Variants in RPTOR observed in about 807,000 individuals in gnomAD.
RPTOR encodes the protein regulatory associated protein of MTOR complex 1.
In RPTOR, 21 loss-of-function variants were observed where a neutral mutation model predicts 169.9. The ratio of observed to expected loss-of-function variants is 0.12; its 90% CI spans 0.09 to 0.18. RPTOR has a LOEUF of 0.18. Among genes scored for constraint, RPTOR ranks in the 10% least tolerant of loss-of-function variants. The pLI, the probability that RPTOR is intolerant of heterozygous loss-of-function variation, is 1.00. For missense variants in RPTOR, 1,133 were observed against 1,855.9 expected, an observed-to-expected ratio of 0.61 and a Z score of 7.16; for synonymous variants, 732 against 753.2, an observed-to-expected ratio of 0.97 and a Z score of 0.46.
At chr17:80,897,649 C>T (rs997608499) in intron 20 of RPTOR, among the ~76,000 whole-genome samples, 1 of 152,210 alleles carries the variant, frequency 6.6e-6, no homozygotes, top group Non-Finnish European at 1.5e-5. Flanking sequence ...TTGGGCGCTC[C>T]CCATTGGCAT....
rs569480841 is a variant in RPTOR, at chr17:80,800,097, G to A, written c.890+8588G>A. ...AGGACCCCGCTGTCTGGGGTTTGGG[G>A]GCTGAGTGTGGCACAGCACCACTTT... On this transcript the variant is annotated intron_variant, in intron 7 of 33. Transcript: ENST00000306801. 2.6e-5 allele frequency among the ~76,000 whole-genome samples: 4 copies of A among 152,324 alleles called. 1 individual carries two copies. The highest frequency in any genetic ancestry group is 3.9e-4 in the East Asian group (2 of 5,182).
chr17:80,854,380 G>A (rs571831543), intron 11 of RPTOR, among the ~76,000 whole-genome samples: 42 of 152,344 alleles, frequency 2.8e-4, no homozygotes, highest in African/African-American at 9.9e-4. Context: ...GAGTCACACC[G>A]CAGTGAGCGC....
In RPTOR at chr17:80,721,670, T is replaced by C. The variant is rs1174317321; in HGVS notation, c.508-8890T>C. Among the ~76,000 whole-genome samples, 1 of 151,296 alleles carries C rather than the reference T, an allele frequency of 6.6e-6. No homozygotes were observed. The highest frequency in any genetic ancestry group is 1.5e-5 in the Non-Finnish European group (1 of 68,028). On this transcript the variant is annotated intron_variant, in intron 4 of 33. Transcript: ENST00000306801. This position sits in a 1 kb window ranked among gnomAD's most constrained non-coding sequence, Gnocchi z 4.7. ...CTCAGGGTACTCGGGCTTATTTTGG[T>C]AGTCATACACATGAAATGCACTTTG... is the stretch of plus-strand genomic sequence containing the variant.
chr17:80,679,756 A>G (rs761171732), intron 3 of RPTOR, among the ~76,000 whole-genome samples: 22 of 152,368 alleles, frequency 1.4e-4, no homozygotes, highest in Middle Eastern at 3.4e-3. Context: ...AGCTCAGTTT[A>G]GCTGTTGTCA....
At chr17:80,796,322 G>T (rs1175382370) in intron 7 of RPTOR, among the ~76,000 whole-genome samples, 1 of 152,212 alleles carries the variant, frequency 6.6e-6, no homozygotes, top group Non-Finnish European at 1.5e-5. Flanking sequence ...GAAGAACTTG[G>T]AGACACTCAG....
At chr17:80,866,121 T>C (rs1158048940) in intron 13 of RPTOR, among the ~76,000 whole-genome samples, 1 of 150,124 alleles carries the variant, frequency 6.7e-6, no homozygotes, top group Non-Finnish European at 1.5e-5. Context: ...ACATAGATAT[T>C]ATAAGTCGTG....
rs572368654 is a variant in RPTOR at position 80,633,857 on chromosome 17, C to T, written c.265+8064C>T. ...TCTGGTTGTTGGGAACCCATTGGGC[C>T]GGCTTCTTTGGCTTCTGTCTTGTTT... On this transcript the variant is annotated intron_variant, in intron 2 of 33. Coordinates refer to ENST00000306801, the MANE Select transcript of RPTOR (RefSeq NM_020761.3). This position sits in a 1 kb window ranked among gnomAD's most constrained non-coding sequence, Gnocchi z 4.1. Among the ~76,000 whole-genome samples the T allele has an allele frequency of 1.3e-5, 2 of 152,182 alleles. No homozygotes were observed. Among genetic ancestry groups the T allele is most frequent in the Non-Finnish European group, 2.9e-5 (2 of 68,030 alleles).
At chr17:80,656,680 G>C (rs554779244) in intron 3 of RPTOR, among the ~76,000 whole-genome samples, 6 of 152,326 alleles carry the variant, frequency 3.9e-5, no homozygotes, top group African/African-American at 1.4e-4. Context: ...TTGCCTTTGG[G>C]TTGTGACATT....
At position 80,819,352 on chromosome 17, in the gene RPTOR, C is replaced by T. The variant is rs899517926; in HGVS notation, c.891-2849C>T. Among the ~76,000 whole-genome samples the T allele has an allele frequency of 1.3e-4, 20 of 152,214 alleles. 1 individual carries two copies. Among genetic ancestry groups the T allele is most frequent in the Admixed American group, 1.2e-3 (19 of 15,290 alleles). On this transcript the variant is annotated intron_variant, in intron 7 of 33. Transcript: ENST00000306801. ...TCTCCTTGCACATGTTTGATGTAAT[C>T]GTGACTATAGAGTATTTGTCTTGCT...
intron 9 of RPTOR, among the ~76,000 whole-genome samples, chr17:80,828,957 A>G (rs1440469853): frequency 2.0e-5 from 3 of 152,240 alleles, no homozygotes; most frequent in Non-Finnish European, 4.4e-5. Flanking sequence ...GTTAATATCT[A>G]TGTTAAAATA....
chr17:80,950,879 G>A (rs2144070083), intron 28 of RPTOR, among the ~76,000 whole-genome samples: 1 of 152,374 alleles, frequency 6.6e-6, no homozygotes, highest in South Asian at 2.1e-4. Context: ...CTCAGAGGCA[G>A]TGGTGCCATG....
intron 4 of RPTOR, among the ~76,000 whole-genome samples, chr17:80,710,951 T>C (rs35361366): frequency 0.18 from 26,720 of 152,198 alleles, 3,757 homozygotes; most frequent in African/African-American, 0.39. Context: ...TGTCTGAATG[T>C]TGTGGAACTT....
In RPTOR at chr17:80,663,129, G is replaced by T. The variant is rs189973274; in HGVS notation, c.348+19319G>T. 1.8e-4 allele frequency among the ~76,000 whole-genome samples: 27 copies of T among 152,210 alleles called. No individual in the cohort carries two copies. The East Asian group carries it at 4.0e-3, about 23-fold the overall frequency. On this transcript the variant is annotated intron_variant, in intron 3 of 33. Coordinates refer to ENST00000306801, the MANE Select transcript of RPTOR (RefSeq NM_020761.3). ...ACTCAGGGTGAGGCTTCTGAGACTCGTCCGGGCGGCAGCTCATTGCTGGGT... is the reference window on the plus strand; with the variant it reads ...ACTCAGGGTGAGGCTTCTGAGACTCTTCCGGGCGGCAGCTCATTGCTGGGT...
chr17:80,726,243 A>G lies in RPTOR; in HGVS notation c.508-4317A>G, dbSNP rs573883615. ...CTCTTAGAATTTAAAGTCCTAGAGC[A>G]GAGACCAACTGGGGCCATCCATGGC... is the stretch of plus-strand genomic sequence containing the variant. On this transcript the variant is annotated intron_variant, in intron 4 of 33. Transcript: ENST00000306801. This position sits in a 1 kb window ranked among gnomAD's most constrained non-coding sequence, Gnocchi z 4.5. 2.0e-5 allele frequency among the ~76,000 whole-genome samples: 3 copies of G among 152,306 alleles called. No homozygotes were observed. The highest frequency in any genetic ancestry group is 7.2e-5 in the African/African-American group (3 of 41,576).
At chr17:80,810,157 T>C (rs1392031203) in intron 7 of RPTOR, among the ~76,000 whole-genome samples, 3 of 152,154 alleles carry the variant, frequency 2.0e-5, no homozygotes, top group African/African-American at 7.2e-5. Flanking sequence ...CATTTATTTA[T>C]TTTATGATTT....
chr17:80,782,904 G>A (rs987885009), intron 6 of RPTOR, among the ~76,000 whole-genome samples: 2 of 152,188 alleles, frequency 1.3e-5, no homozygotes, highest in South Asian at 2.1e-4. Flanking sequence ...CAAGGAGCAC[G>A]GAGAATCTGA....
chr17:80,619,021 C>G (rs118124117), intron 1 of RPTOR, among the ~76,000 whole-genome samples: 1 of 152,148 alleles, frequency 6.6e-6, no homozygotes, highest in Non-Finnish European at 1.5e-5. Flanking sequence ...GCTATGTGTT[C>G]TAGTTTCTGA....
chr17:80,836,422 A>T (rs2067565120), intron 9 of RPTOR, among the ~76,000 whole-genome samples: 1 of 151,920 alleles, frequency 6.6e-6, no homozygotes, highest in Admixed American at 6.6e-5. Flanking sequence ...CACCTGCAGG[A>T]TGTCTGTAAT....
chr17:80,652,540 G>T (rs1400493079), intron 3 of RPTOR, among the ~76,000 whole-genome samples: 1 of 151,944 alleles, frequency 6.6e-6, no homozygotes, highest in Non-Finnish European at 1.5e-5. Context: ...TTATTGCTCA[G>T]GCTGGTCTTG....
Sources: allele counts gnomAD v4.1 joint callset (sites outside exome capture counted in the v4.1 genomes callset), GRCh38; gene constraint gnomAD v4.1.1; non-coding constraint Gnocchi (gnomAD v3.1); transcripts MANE v1.5; gene names NCBI Gene and HGNC (gene_info 2026-07-23, HGNC 2026-07-21).